The following CFAP20DC variants were observed in gnomAD, a reference collection of about 807,000 sequenced individuals.
The protein encoded by CFAP20DC is CFAP20 domain containing.
Under a neutral mutation model 101.7 loss-of-function variants are expected in CFAP20DC, and 84 were observed. That is an observed-to-expected ratio of 0.83 (90% confidence interval 0.69 to 0.99). The LOEUF (loss-of-function observed/expected upper bound fraction) is 0.99, where lower values mean the gene tolerates loss of function less well. CFAP20DC is among the 50% of genes least tolerant of loss of function. The pLI is 0.00. For missense variants in CFAP20DC, 1,007 were observed against 970.3 expected (o/e 1.04, Z -0.50); for synonymous variants, 359 against 351.2 (o/e 1.02, Z -0.25).
chr3:58,818,644 G>T (rs1402245235), intron 14 of CFAP20DC, among the ~76,000 whole-genome samples: 12 of 141,374 alleles, frequency 8.5e-5, no homozygotes, highest in African/African-American at 3.2e-4. Context: ...CATAAAGCAA[G>T]TCCTGAGTGA....
chr3:59,023,431 G>A (rs2093839385), intron 4 of CFAP20DC, among the ~76,000 whole-genome samples: 1 of 152,120 alleles, frequency 6.6e-6, no homozygotes, highest in African/African-American at 2.4e-5. Flanking sequence ...TAATGCATTT[G>A]AGTTTGACCT....
At chr3:58,780,818 C>T (rs2071760374) in intron 15 of CFAP20DC, among the ~76,000 whole-genome samples, 1 of 151,900 alleles carries the variant, frequency 6.6e-6, no homozygotes, top group Admixed American at 6.6e-5. Context: ...GAGAGATAGA[C>T]TCCAATATAA....
intron 7 of CFAP20DC, among the ~76,000 whole-genome samples, chr3:58,871,051 G>A (rs571950598): frequency 2.6e-5 from 4 of 151,918 alleles, no homozygotes; most frequent in South Asian, 2.1e-4. Context: ...CCTAGAGGCC[G>A]TCAGTGACAC....
chr3:59,036,725 T>C (rs2094110221), intron 4 of CFAP20DC, among the ~76,000 whole-genome samples: 1 of 152,204 alleles, frequency 6.6e-6, no homozygotes, highest in Admixed American at 6.5e-5. Flanking sequence ...CTGCCCAAGG[T>C]AATTTATAGA....
chr3:58,994,547 T>C (rs2093049373), intron 4 of CFAP20DC, among the ~76,000 whole-genome samples: 1 of 152,152 alleles, frequency 6.6e-6, no homozygotes, highest in African/African-American at 2.4e-5. Flanking sequence ...TAAAACTGTG[T>C]TCTTCTCCTC....
intron 4 of CFAP20DC, among the ~76,000 whole-genome samples, chr3:58,962,295 A>G (rs2091207518): frequency 2.0e-5 from 3 of 152,106 alleles, no homozygotes; most frequent in African/African-American, 7.2e-5. Flanking sequence ...GACACACACT[A>G]TTTAATTTAT....
intron 12 of CFAP20DC, among the ~76,000 whole-genome samples, chr3:58,852,486 G>T (rs1462380539): frequency 6.6e-6 from 1 of 151,906 alleles, no homozygotes; most frequent in East Asian, 1.9e-4. Context: ...GCACCAAGCG[G>T]ACCTAATAGA....
At chr3:58,773,215 A>C (rs2071014275) in intron 15 of CFAP20DC, among the ~76,000 whole-genome samples, 1 of 151,838 alleles carries the variant, frequency 6.6e-6, no homozygotes, top group Non-Finnish European at 1.5e-5. Flanking sequence ...CCTCATACTA[A>C]CTTGCATGGT....
chr3:59,000,421 A>G (rs555250850), intron 4 of CFAP20DC, among the ~76,000 whole-genome samples: 1 of 152,352 alleles, frequency 6.6e-6, no homozygotes, highest in East Asian at 1.9e-4. Flanking sequence ...AGGGAATCTG[A>G]GCATGATCAT....
At chr3:58,969,153 T>C (rs1324609175) in intron 4 of CFAP20DC, among the ~76,000 whole-genome samples, 1 of 152,188 alleles carries the variant, frequency 6.6e-6, no homozygotes, top group Non-Finnish European at 1.5e-5. Context: ...GCCTGCAGCT[T>C]TGTTCTTCTT....
At chr3:59,039,890 TAA>T (rs1465789103) in intron 3 of CFAP20DC, among the ~76,000 whole-genome samples, 2 of 151,976 alleles carry the variant, frequency 1.3e-5, no homozygotes, top group Non-Finnish European at 2.9e-5. Context: ...TCAAAAATAA[TAA>T]GTTTTTATTA....
rs901554837 is a variant in CFAP20DC at position 58,869,811 on chromosome 3, A to T, written c.853-321T>A. Among the ~76,000 whole-genome samples, 1 of 152,220 alleles carries T rather than the reference A, an allele frequency of 6.6e-6. No homozygotes were observed. Among genetic ancestry groups the T allele is most frequent in the African/African-American group, 2.4e-5 (1 of 41,462 alleles). ...AGAAATTCGGAGGAAATTAAAAATA[A>T]AAAACCTAACATTTGAGAATCTGTT... is the stretch of plus-strand genomic sequence containing the variant. On this transcript the variant is annotated intron_variant, in intron 8 of 16. Coordinates refer to ENST00000482387, the MANE Select transcript of CFAP20DC (RefSeq NM_001394063.1). The surrounding 1 kb of genome is among the most constrained non-coding windows in gnomAD (Gnocchi z 4.3).
intron 4 of CFAP20DC, among the ~76,000 whole-genome samples, chr3:58,953,999 G>A (rs1051231036): frequency 5.9e-5 from 9 of 152,194 alleles, no homozygotes; most frequent in African/African-American, 1.9e-4. Flanking sequence ...AGAAAATGGG[G>A]TAGTTGACGG....
downstream of CFAP20DC, among the ~76,000 whole-genome samples, chr3:58,740,263 T>C (rs1389094448): frequency 6.6e-6 from 1 of 152,144 alleles, no homozygotes; most frequent in African/African-American, 2.4e-5. The surrounding 1 kb of genome is among the most constrained non-coding windows in gnomAD (Gnocchi z 4.6). Flanking sequence ...TCTGTGGTTT[T>C]TGCCTGTCTG....
chr3:58,993,104 T>C (rs1027320677), intron 4 of CFAP20DC, among the ~76,000 whole-genome samples: 5 of 152,210 alleles, frequency 3.3e-5, no homozygotes, highest in Non-Finnish European at 7.3e-5. Flanking sequence ...TAAAATAGAA[T>C]AGTAGTGTTG....
chr3:58,770,793 G>A (rs979692939), intron 15 of CFAP20DC, among the ~76,000 whole-genome samples: 2 of 152,296 alleles, frequency 1.3e-5, no homozygotes, highest in East Asian at 3.9e-4. Flanking sequence ...GCTCACAGTG[G>A]CAGTGGTGGG....
intron 5 of CFAP20DC, 122 bp downstream of exon 5, chr3:58,937,526 A>C: frequency 3.0e-6 from 2 of 664,816 alleles, no homozygotes; most frequent in Non-Finnish European, 5.4e-6. Flanking sequence ...AAGGCCATGA[A>C]TTTTATTCAT....
chr3:58,750,610 A>G (rs2068501426), intron 16 of CFAP20DC, among the ~76,000 whole-genome samples: 1 of 152,194 alleles, frequency 6.6e-6, no homozygotes, highest in Admixed American at 6.5e-5. Context: ...GATGTGGGGG[A>G]AGCCTGGGCC....
At chr3:59,028,092 G>C (rs967066887) in intron 4 of CFAP20DC, among the ~76,000 whole-genome samples, 18 of 152,182 alleles carry the variant, frequency 1.2e-4, no homozygotes, top group Admixed American at 2.0e-4. Flanking sequence ...TGTTAGTACA[G>C]TAAACACTCC....
Sources: allele counts gnomAD v4.1 joint callset (sites outside exome capture counted in the v4.1 genomes callset), GRCh38; gene constraint gnomAD v4.1.1; non-coding constraint Gnocchi (gnomAD v3.1); transcripts MANE v1.5; gene names NCBI Gene and HGNC (gene_info 2026-07-23, HGNC 2026-07-21).